CLPX: variants seen among roughly 807,000 people sequenced by gnomAD.
The protein encoded by CLPX is ATP-dependent clpX-like chaperone, mitochondrial.
A neutral mutation model predicts 76.4 loss-of-function variants in CLPX; 34 were observed. That is an observed-to-expected ratio of 0.45 (90% CI 0.34 to 0.59). CLPX has a LOEUF of 0.59. CLPX is among the 20% of genes least tolerant of loss of function. CLPX has a pLI of 0.01. For missense variants in CLPX, 613 were observed against 757.0 expected (o/e 0.81, Z 2.23); for synonymous variants, 248 against 270.9 (o/e 0.92, Z 0.83).
chr15:65,181,191 T>A (rs1379566667), intron 1 of CLPX, among the ~76,000 whole-genome samples: 1 of 151,420 alleles, frequency 6.6e-6, no homozygotes, highest in African/African-American at 2.4e-5. Context: ...AGAGGGAGAC[T>A]CTGTCTCAAA....
intron 3 of CLPX, among the ~76,000 whole-genome samples, chr15:65,173,635 A>G (rs2088044857): frequency 1.3e-5 from 2 of 152,248 alleles, no homozygotes; most frequent in Non-Finnish European, 2.9e-5. Context: ...GCCAACAAGT[A>G]GAAACAATGT....
In CLPX at chr15:65,164,128, C is replaced by CT; in HGVS notation, c.573dup (p.Val192SerfsTer8). 1 of 1,613,114 alleles carries CT rather than the reference C, an allele frequency of 6.2e-7. No individual in the cohort carries two copies. Among genetic ancestry groups the CT allele is most frequent in the Non-Finnish European group, 8.5e-7 (1 of 1,179,532 alleles). On this transcript the variant is annotated frameshift_variant, in exon 5 of 14. Transcript: ENST00000300107. LOFTEE classifies it high-confidence loss of function. ...CTCTTATAATGATTGTACACAGCAA[C>CT]TGAAAGCACCTTCTTAGCAAATGAC... is the stretch of plus-strand genomic sequence containing the variant.
chr15:65,185,117 C>CCGCCG lies in CLPX; in HGVS notation c.32_36dup (p.Ala13ArgfsTer28), dbSNP rs2088240683. 4.4e-6 allele frequency: 7 copies of CCGCCG among 1,580,448 alleles called. No individual in the cohort carries two copies. The highest frequency in any genetic ancestry group is 1.3e-5 in the African/African-American group (1 of 74,578). ...AGTGAGGAGGTGATGAGCCGGACGG[C>CCGCCG]CGCCGCGCCGCAAGTACAAGCACCG... On this transcript the variant is annotated frameshift_variant, in exon 1 of 14. Transcript: ENST00000300107. LOFTEE classifies it high-confidence loss of function.
At chr15:65,179,533 G>T (rs1336094016) in intron 2 of CLPX, among the ~76,000 whole-genome samples, 1 of 152,106 alleles carries the variant, frequency 6.6e-6, no homozygotes, top group African/African-American at 2.4e-5. Context: ...ATTAACTCAA[G>T]TGTTAGTCAA....
At chr15:65,168,885 ATCGC>A (rs34600047) in intron 3 of CLPX, among the ~76,000 whole-genome samples, 4,127 of 150,570 alleles carry the variant, frequency 0.027, 71 homozygotes, top group Non-Finnish European at 0.039. Context: ...GAGACAGGGT[ATCGC>A]TCTGTTGCCC....
intron 1 of CLPX, among the ~76,000 whole-genome samples, chr15:65,180,817 T>A (rs909452545): frequency 2.7e-5 from 4 of 148,574 alleles, no homozygotes; most frequent in African/African-American, 1.0e-4. Flanking sequence ...GGCAGGAAAA[T>A]CGCTTGAACC....
intron 4 of CLPX, among the ~76,000 whole-genome samples, chr15:65,166,168 T>C (rs917281184): frequency 3.3e-5 from 5 of 151,972 alleles, no homozygotes; most frequent in African/African-American, 1.2e-4. Context: ...ACACTGGCTA[T>C]GAAAAAACTA....
At chr15:65,164,934 A>G (rs2087891084) in intron 4 of CLPX, among the ~76,000 whole-genome samples, 1 of 152,114 alleles carries the variant, frequency 6.6e-6, no homozygotes, top group Non-Finnish European at 1.5e-5. Flanking sequence ...TTTATTCTTA[A>G]TAGTAGCTAA....
rs1175339110 is a variant in CLPX, at chr15:65,183,237, C to G, written c.79+1838G>C. Among the ~76,000 whole-genome samples, 3 of 151,532 alleles carry G rather than the reference C, an allele frequency of 2.0e-5. No individual in the cohort carries two copies. The East Asian group carries it at 5.8e-4, about 29-fold the overall frequency. Reference sequence around the variant, plus strand: ...CAGCACTTTGGGAGGCCGAGGCGGACGGATCACAAGATCAGGAGATCGAGA... The same window carrying G: ...CAGCACTTTGGGAGGCCGAGGCGGAGGGATCACAAGATCAGGAGATCGAGA... On this transcript the variant is annotated intron_variant, in intron 1 of 13. Coordinates refer to ENST00000300107, the MANE Select transcript of CLPX (RefSeq NM_006660.5).
intron 12 of CLPX, among the ~76,000 whole-genome samples, chr15:65,152,783 G>A (rs542408371): frequency 6.6e-6 from 1 of 151,778 alleles, no homozygotes; most frequent in East Asian, 1.9e-4. Flanking sequence ...TTTTAGTAGA[G>A]ATGGGGTTTC....
intron 3 of CLPX, among the ~76,000 whole-genome samples, chr15:65,168,304 A>C (rs2087946407): frequency 1.5e-5 from 2 of 134,202 alleles, no homozygotes; most frequent in African/African-American, 2.7e-5. Flanking sequence ...GAATGGTATG[A>C]ACCCGGGAGG....
intron 5 of CLPX, among the ~76,000 whole-genome samples, 160 bp from the exon 6 acceptor site, chr15:65,162,805 C>T (rs1304780635): frequency 1.3e-5 from 2 of 152,092 alleles, no homozygotes; most frequent in African/African-American, 2.4e-5. Context: ...TAAAACAAAA[C>T]CATGCATAAA....
In CLPX at chr15:65,185,292, GCAGCCAGGCCTTCACGCTTCTCTGCCCCA is replaced by G; in HGVS notation, c.-168_-140del. ...ACCCCGTGGAGAGTTCACCTGCCCG[GCAGCCAGGCCTTCACGCTTCTCTGCCCCA>G]CAGCCGTCTATTCACCAGAGTAGAC... On this transcript the variant is annotated 5_prime_UTR_variant, in exon 1 of 14. Coordinates refer to ENST00000300107, the MANE Select transcript of CLPX (RefSeq NM_006660.5). The G allele has an allele frequency of 3.1e-6, 2 of 650,510 alleles. No homozygotes were observed. The highest frequency in any genetic ancestry group is 5.3e-6 in the Non-Finnish European group (2 of 374,678). The allele number at this position is 650,510 out of a possible 1,614,324, so 40.3% of individuals were successfully genotyped here.
chr15:65,168,491 C>T (rs1459241621), intron 3 of CLPX, among the ~76,000 whole-genome samples: 6 of 144,938 alleles, frequency 4.1e-5, no homozygotes, highest in Non-Finnish European at 6.0e-5. Flanking sequence ...AGCAAACTAT[C>T]GCAAGGACAG....
At chr15:65,160,336 A>AG (rs1477253118) in intron 6 of CLPX, among the ~76,000 whole-genome samples, 1 of 152,142 alleles carries the variant, frequency 6.6e-6, no homozygotes, top group Non-Finnish European at 1.5e-5. Context: ...GCTACCTTTG[A>AG]GGGTTAATAA....
intron 1 of CLPX, among the ~76,000 whole-genome samples, chr15:65,182,836 A>T (rs183117102): frequency 2.1e-4 from 32 of 152,306 alleles, no homozygotes; most frequent in Non-Finnish European, 4.4e-4. Context: ...CATACAGACA[A>T]AGCTTTCTAA....
intron 3 of CLPX, among the ~76,000 whole-genome samples, chr15:65,171,042 C>G (rs1235037074): frequency 1.3e-5 from 2 of 151,748 alleles, no homozygotes. Context: ...AGGATGGTCT[C>G]GATCTTCTGA....
intron 6 of CLPX, 138 bp from the exon 7 acceptor site, chr15:65,158,889 G>A: frequency 9.3e-6 from 6 of 646,084 alleles, no homozygotes; most frequent in South Asian, 2.7e-5. Flanking sequence ...TACCTACAAA[G>A]GAGAAAAATC....
intron 6 of CLPX, among the ~76,000 whole-genome samples, chr15:65,159,841 C>A (rs1485146228): frequency 6.8e-6 from 1 of 147,064 alleles, no homozygotes; most frequent in South Asian, 2.1e-4. Flanking sequence ...GAGACAGAGT[C>A]TCTCTCTGTT....
Sources: allele counts gnomAD v4.1 joint callset (sites outside exome capture counted in the v4.1 genomes callset), GRCh38; gene constraint gnomAD v4.1.1; transcripts MANE v1.5; gene names NCBI Gene and HGNC (gene_info 2026-07-23, HGNC 2026-07-21).